RASGRF1: variants seen among roughly 807,000 people sequenced by gnomAD.
RASGRF1 encodes the protein ras-specific guanine nucleotide-releasing factor 1.
A neutral mutation model predicts 138.7 loss-of-function variants in RASGRF1; 40 were observed. The observed-to-expected ratio is 0.29, with a 90% CI of 0.22 to 0.38. The LOEUF (loss-of-function observed/expected upper bound fraction) is 0.38, where lower values mean the gene tolerates loss of function less well. Ranked by LOEUF, RASGRF1 falls within the 10% of genes least tolerant of loss-of-function variation. The pLI is 1.00. For synonymous variants in RASGRF1, 614 were observed against 663.2 expected (o/e 0.93, Z 1.14); for missense variants, 1,108 against 1,650.4 (o/e 0.67, Z 5.69).
Position 79,029,219 on chromosome 15 carries a change from C to T in RASGRF1, c.1263-1360G>A, listed in dbSNP as rs77588853. Among the ~76,000 whole-genome samples, 1,239 of 152,274 alleles carry T rather than the reference C, an allele frequency of 8.1e-3. 19 individuals are homozygous for T. Among genetic ancestry groups the T allele is most frequent in the African/African-American group, 0.027 (1,113 of 41,550 alleles). On this transcript the variant is annotated intron_variant, in intron 8 of 26. Coordinates refer to ENST00000558480, the MANE Select transcript of RASGRF1 (RefSeq NM_001145648.3). ...GGAGCCTCAGTTTCCCCCTTTCTTC[C>T]CCAGCAATGCTCTTCTTGGAAGCCC...
chr15:79,060,063 T>C (rs1403248964), intron 2 of RASGRF1, among the ~76,000 whole-genome samples: 2 of 151,660 alleles, frequency 1.3e-5, no homozygotes, highest in African/African-American at 2.4e-5. Flanking sequence ...CTTACAGTTA[T>C]AGTGTCCGCC....
intron 2 of RASGRF1, among the ~76,000 whole-genome samples, chr15:79,063,133 T>C (rs2057630676): frequency 6.6e-6 from 1 of 152,206 alleles, no homozygotes; most frequent in African/African-American, 2.4e-5. Flanking sequence ...TCAGCCTCTA[T>C]ACACCAGAGC....
Position 79,008,804 on chromosome 15 carries a change from T to C in RASGRF1, c.1827-2370A>G, listed in dbSNP as rs145080150. 5.3e-3 allele frequency among the ~76,000 whole-genome samples: 810 copies of C among 152,290 alleles called. 10 individuals carry two copies. Among genetic ancestry groups the C allele is most frequent in the African/African-American group, 0.018 (754 of 41,550 alleles). ...AAACGAGAGAAGCCACGCCTGCTCATTTCTGCTTGCTGGCATGACTCCACA... is the reference window on the plus strand; with the variant it reads ...AAACGAGAGAAGCCACGCCTGCTCACTTCTGCTTGCTGGCATGACTCCACA... On this transcript the variant is annotated intron_variant, in intron 13 of 26. Coordinates refer to ENST00000558480, the MANE Select transcript of RASGRF1 (RefSeq NM_001145648.3).
In RASGRF1 at chr15:79,037,552, G is replaced by A. The variant is rs548982780; in HGVS notation, c.879-2342C>T. 1.2e-3 allele frequency among the ~76,000 whole-genome samples: 179 copies of A among 151,754 alleles called. 1 individual carries two copies. The highest frequency in any genetic ancestry group is 4.1e-3 in the African/African-American group (169 of 41,344). On this transcript the variant is annotated intron_variant, in intron 5 of 26. Transcript: ENST00000558480. The stretch of plus-strand genomic sequence containing the variant: ...CGGCTCACTGCAATCTCCTCCTTCC[G>A]GTTTCAAGCGATTCTCCTGACTCAG...
chr15:78,979,971 C>A (rs1334031299), intron 24 of RASGRF1, among the ~76,000 whole-genome samples: 1 of 152,228 alleles, frequency 6.6e-6, no homozygotes, highest in Non-Finnish European at 1.5e-5. Context: ...TAGCATCTCA[C>A]AGGTAGAGGC....
chr15:79,069,141 T>C (rs546917562), intron 1 of RASGRF1, among the ~76,000 whole-genome samples: 46 of 152,244 alleles, frequency 3.0e-4, no homozygotes, highest in African/African-American at 8.7e-4. Flanking sequence ...CCTGCTTAAT[T>C]TGGAAACTCT....
At chr15:79,057,330 G>C (rs1369608448) in intron 3 of RASGRF1, among the ~76,000 whole-genome samples, 1 of 152,246 alleles carries the variant, frequency 6.6e-6, no homozygotes, top group Non-Finnish European at 1.5e-5. Flanking sequence ...GGGCAGGGGA[G>C]GCTACAGGTT....
intron 1 of RASGRF1, among the ~76,000 whole-genome samples, chr15:79,078,147 G>GTGTGTGTGTGTGTGTGTGCGCATGTGTC (rs149304846): frequency 6.7e-6 from 1 of 149,860 alleles, no homozygotes; most frequent in South Asian, 2.2e-4. Context: ...GTGTGTGTGT[G>GTGTGTGTGTGTGTGTGTGCGCATGTGTC]TGTGTGCATG....
At chr15:78,972,041 T>A in intron 25 of RASGRF1, 107 bp from the exon 26 acceptor site, 1 of 966,650 alleles carries the variant, frequency 1.0e-6, no homozygotes, top group Non-Finnish European at 1.7e-6. Flanking sequence ...GTCAGCCTCT[T>A]AATTCCATAC....
chr15:79,069,415 C>A, intron 1 of RASGRF1, among the ~76,000 whole-genome samples: 1 of 152,196 alleles, frequency 6.6e-6, no homozygotes, highest in South Asian at 2.1e-4. Context: ...ACCCCGTTTG[C>A]TGTCTTTGGT....
chr15:79,082,179 A>G (rs1382499639), intron 1 of RASGRF1, among the ~76,000 whole-genome samples: 1 of 152,152 alleles, frequency 6.6e-6, no homozygotes, highest in East Asian at 1.9e-4. Flanking sequence ...ATGTGTGGGG[A>G]CAGTGGCTAC....
chr15:79,049,300 G>A (rs1198960080), intron 4 of RASGRF1, among the ~76,000 whole-genome samples, 196 bp downstream of exon 4: 1 of 152,102 alleles, frequency 6.6e-6, no homozygotes, highest in Non-Finnish European at 1.5e-5. Flanking sequence ...CTGCCCCATA[G>A]GGACAACCAG....
At chr15:79,054,332 T>C (rs1485263351) in intron 3 of RASGRF1, among the ~76,000 whole-genome samples, 1 of 152,220 alleles carries the variant, frequency 6.6e-6, no homozygotes, top group East Asian at 1.9e-4. Context: ...TGTTTTCTAT[T>C]CATTTTTGAG....
At chr15:78,965,222 A>G (rs1268876503) in intron 26 of RASGRF1, among the ~76,000 whole-genome samples, 1 of 152,168 alleles carries the variant, frequency 6.6e-6, no homozygotes, top group Non-Finnish European at 1.5e-5. Flanking sequence ...AGGTACATAC[A>G]GTACAACTCA....
intron 23 of RASGRF1, among the ~76,000 whole-genome samples, chr15:78,983,768 C>T (rs2056087056): frequency 6.6e-6 from 1 of 152,234 alleles, no homozygotes; most frequent in South Asian, 2.1e-4. Context: ...CTAGATGTGC[C>T]TGCAGCTCTG....
At chr15:78,967,463 G>T (rs1043342740) in intron 26 of RASGRF1, among the ~76,000 whole-genome samples, 1 of 151,824 alleles carries the variant, frequency 6.6e-6, no homozygotes, top group Non-Finnish European at 1.5e-5. Context: ...TAGGAGGATC[G>T]CTTGAACCTC....
At chr15:78,971,810 G>T in intron 26 of RASGRF1, 56 bp downstream of exon 26, 2 of 1,469,470 alleles carry the variant, frequency 1.4e-6, no homozygotes, top group African/African-American at 1.4e-5. Context: ...GTGGAAGGTG[G>T]CCTAGACAGA....
intron 13 of RASGRF1, 96 bp downstream of exon 13, chr15:79,015,231 C>A: frequency 8.1e-7 from 1 of 1,234,694 alleles, no homozygotes; most frequent in Non-Finnish European, 1.2e-6. Flanking sequence ...CATCTCTGAA[C>A]CCCAGTAGCT....
intron 5 of RASGRF1, among the ~76,000 whole-genome samples, chr15:79,044,503 T>C (rs543413401): frequency 2.6e-5 from 4 of 152,212 alleles, no homozygotes; most frequent in Non-Finnish European, 5.9e-5. Context: ...TGCTTGTCTG[T>C]TGAATGAGTG....
Sources: gnomAD v4.1 joint callset for allele counts (sites outside exome capture counted in the v4.1 genomes callset) on GRCh38, gnomAD v4.1.1 for gene constraint, MANE v1.5 for transcripts, NCBI Gene and HGNC (gene_info 2026-07-23, HGNC 2026-07-21) for gene names.